The following DCAF8L2 variants were observed in gnomAD, a reference collection of about 807,000 sequenced individuals.
The protein encoded by DCAF8L2 is DDB1- and CUL4-associated factor 8-like protein 2.
For missense variants in DCAF8L2, 430 were observed against 490.7 expected (o/e 0.88, Z 1.17); for synonymous variants, 200 against 190.9 (o/e 1.05, Z -0.39).
chrX:27,587,799 G>A (rs1354823338), upstream of DCAF8L2, among the ~76,000 whole-genome samples: 1 of 109,450 alleles, frequency 9.1e-6, no homozygotes, highest in Non-Finnish European at 1.9e-5. Context: ...CCCACACAAT[G>A]TGTTACTAAG....
At chrX:27,469,867 C>G in the DCAF8L2 span, among the ~76,000 whole-genome samples, 2 of 109,347 alleles carry the variant, frequency 1.8e-5, no homozygotes, top group Non-Finnish European at 3.8e-5. Flanking sequence ...CTCCTGAGTT[C>G]AAGCAATTCT....
chrX:27,611,730 G>A (rs998701942), intron 1 of DCAF8L2, among the ~76,000 whole-genome samples: 27 of 110,274 alleles, frequency 2.4e-4, no homozygotes, highest in Non-Finnish European at 4.7e-4. Flanking sequence ...TGCTCAGAAT[G>A]ATGGTTTCCA....
intron 2 of DCAF8L2, among the ~76,000 whole-genome samples, chrX:27,671,246 C>A (rs947496844): frequency 1.8e-5 from 2 of 112,041 alleles, no homozygotes; most frequent in Non-Finnish European, 3.8e-5. Context: ...TACTGAGTAC[C>A]TTTCTACATA....
At chrX:27,577,932 C>T in the DCAF8L2 span, among the ~76,000 whole-genome samples, 1 of 111,866 alleles carries the variant, frequency 8.9e-6, no homozygotes, top group African/African-American at 3.2e-5. Context: ...ATTCCATGTT[C>T]ATGGATAGGA....
chrX:27,630,853 G>T (rs758931787), intron 1 of DCAF8L2, among the ~76,000 whole-genome samples: 1 of 112,327 alleles, frequency 8.9e-6, no homozygotes, highest in South Asian at 3.7e-4. Flanking sequence ...AGAGATGGCC[G>T]TCTTATTGCT....
intron 3 of DCAF8L2, among the ~76,000 whole-genome samples, chrX:27,708,412 A>T (rs1042797217): frequency 1.8e-5 from 2 of 111,911 alleles, no homozygotes; most frequent in African/African-American, 3.2e-5. Context: ...ATCTATACCC[A>T]TACCACTCTG....
chrX:27,547,260 A>G, the DCAF8L2 span, among the ~76,000 whole-genome samples: 1 of 111,834 alleles, frequency 8.9e-6, no homozygotes, highest in African/African-American at 3.3e-5. Flanking sequence ...CATTTTGGTC[A>G]AAACCATTCA....
At chrX:27,511,009 T>C in the DCAF8L2 span, among the ~76,000 whole-genome samples, 1 of 110,928 alleles carries the variant, frequency 9.0e-6, no homozygotes, top group Non-Finnish European at 1.9e-5. Context: ...TGCATTCTAA[T>C]AGAGAAGATA....
At chrX:27,528,120 T>A in the DCAF8L2 span, among the ~76,000 whole-genome samples, 1 of 103,765 alleles carries the variant, frequency 9.6e-6, no homozygotes, top group Non-Finnish European at 2.0e-5. Flanking sequence ...TAATTAATTA[T>A]TAAATTATAA....
At chrX:27,639,332 G>C (rs890664843) in intron 2 of DCAF8L2, among the ~76,000 whole-genome samples, 2 of 111,470 alleles carry the variant, frequency 1.8e-5, no homozygotes, top group Non-Finnish European at 3.8e-5. Context: ...ATTGTTAATG[G>C]GTCCAAAAAG....
intron 3 of DCAF8L2, among the ~76,000 whole-genome samples, chrX:27,682,280 A>G (rs746604475): frequency 1.8e-5 from 2 of 111,880 alleles, no homozygotes; most frequent in Non-Finnish European, 3.8e-5. Context: ...TAATTTTACA[A>G]TGAGACTCTC....
the DCAF8L2 span, chrX:27,518,092 G>A: frequency 1.1e-6 from 1 of 907,782 alleles, no homozygotes; most frequent in African/African-American, 2.0e-5. Context: ...AGATGTTTCT[G>A]AGGAATTAAT....
rs143889160 is a variant in DCAF8L2, at chrX:27,623,004, C to T, written c.-341-8875C>T. Among the ~76,000 whole-genome samples, 1,074 of 111,985 alleles carry T rather than the reference C, an allele frequency of 9.6e-3. 7 individuals are homozygous for T. Among genetic ancestry groups the T allele is most frequent in the African/African-American group, 0.033 (1,019 of 30,834 alleles). ...CATAATTCTGTAATACTTGGAATTG[C>T]TCCAATTATAAGGAAACACTTTTGC... On this transcript the variant is annotated intron_variant, in intron 1 of 4. Transcript: ENST00000451261.
chrX:27,633,300 C>T (rs760961016), intron 2 of DCAF8L2: 26 of 112,231 alleles, frequency 2.3e-4, no homozygotes, highest in African/African-American at 7.4e-4. Flanking sequence ...GATGCCCAAG[C>T]CCTTCCATCT....
chrX:27,613,751 C>T (rs1410475958), intron 1 of DCAF8L2, among the ~76,000 whole-genome samples: 7 of 110,776 alleles, frequency 6.3e-5, no homozygotes, highest in African/African-American at 2.3e-4. Context: ...TGATGGATTA[C>T]ATTTATTGAT....
chrX:27,702,120 C>T (rs2033146265), intron 3 of DCAF8L2, among the ~76,000 whole-genome samples: 1 of 110,580 alleles, frequency 9.0e-6, no homozygotes, highest in Non-Finnish European at 1.9e-5. Flanking sequence ...ATGAAATAGA[C>T]AGCTTTCAAT....
At chrX:27,735,072 C>T (rs1385450362) in intron 4 of DCAF8L2, among the ~76,000 whole-genome samples, 2 of 111,482 alleles carry the variant, frequency 1.8e-5, no homozygotes, top group African/African-American at 3.3e-5. Context: ...GGTAATCACT[C>T]ATTCTTTGGA....
chrX:27,501,490 C>A, the DCAF8L2 span, among the ~76,000 whole-genome samples: 1 of 111,219 alleles, frequency 9.0e-6, no homozygotes, highest in Non-Finnish European at 1.9e-5. Context: ...ATATGTTTTA[C>A]CAGTGTTAGG....
At chrX:27,582,772 C>T in the DCAF8L2 span, among the ~76,000 whole-genome samples, 2 of 111,010 alleles carry the variant, frequency 1.8e-5, no homozygotes, top group African/African-American at 3.3e-5. Context: ...CTCTAAGTAT[C>T]GTTTGATTCC....
Sources: allele counts gnomAD v4.1 joint callset (sites outside exome capture counted in the v4.1 genomes callset), GRCh38; gene constraint gnomAD v4.1.1; transcripts MANE v1.5; gene names NCBI Gene and HGNC (gene_info 2026-07-23, HGNC 2026-07-21).